The following KIAA0513 variants were observed in gnomAD, a reference collection of about 807,000 sequenced individuals.
The protein encoded by KIAA0513 is uncharacterized protein KIAA0513.
KIAA0513 carries 39 observed loss-of-function variants against 56.5 expected under a neutral mutation model. That is an observed-to-expected ratio of 0.69 (90% CI 0.53 to 0.90). KIAA0513 has a LOEUF of 0.90. KIAA0513 is among the 40% of genes least tolerant of loss of function. The pLI is 0.00. For missense variants in KIAA0513, 591 were observed against 535.2 expected (o/e 1.10, Z -1.03); for synonymous variants, 268 against 215.6 (o/e 1.24, Z -2.13).
intron 2 of KIAA0513, among the ~76,000 whole-genome samples, chr16:85,068,578 T>A (rs2073524909): frequency 6.6e-6 from 1 of 152,032 alleles, no homozygotes; most frequent in East Asian, 1.9e-4. Context: ...ATGATCCGCC[T>A]GCCTTAGCCT....
At chr16:85,063,219 G>C (rs1371928037) in intron 1 of KIAA0513, 1 of 152,228 alleles carries the variant, frequency 6.6e-6, no homozygotes, top group Non-Finnish European at 1.5e-5. Context: ...GCCCAAGAGT[G>C]CCTGAGGCTG....
intron 12 of KIAA0513, 85 bp downstream of exon 12, chr16:85,087,251 C>T: frequency 9.3e-7 from 1 of 1,070,030 alleles, no homozygotes. Flanking sequence ...TTCTGCACTG[C>T]CAGAAGGCAT....
At chr16:85,061,498 G>T (rs2073404471) in intron 1 of KIAA0513, among the ~76,000 whole-genome samples, 1 of 152,214 alleles carries the variant, frequency 6.6e-6, no homozygotes, top group Admixed American at 6.5e-5. Context: ...TGTGTGTTGT[G>T]TGTTGCCTGA....
intron 1 of KIAA0513, among the ~76,000 whole-genome samples, chr16:85,041,314 A>G (rs367843523): frequency 1.3e-5 from 2 of 152,124 alleles, no homozygotes; most frequent in African/African-American, 4.8e-5. Context: ...CTTCCGTTGT[A>G]TGACTGACAG....
chr16:85,059,447 T>C (rs1459005641), intron 1 of KIAA0513, among the ~76,000 whole-genome samples: 1 of 152,194 alleles, frequency 6.6e-6, no homozygotes, highest in Non-Finnish European at 1.5e-5. Flanking sequence ...GGCTGTCTCC[T>C]CTAGTCATAG....
chr16:85,047,708 T>A (rs1172087922), intron 1 of KIAA0513, among the ~76,000 whole-genome samples: 1 of 152,062 alleles, frequency 6.6e-6, no homozygotes, highest in African/African-American at 2.4e-5. Context: ...TGGCCCACTG[T>A]CTCAGAACCA....
chr16:85,050,260 C>T (rs2073231587), intron 1 of KIAA0513, among the ~76,000 whole-genome samples: 1 of 151,978 alleles, frequency 6.6e-6, no homozygotes, highest in Non-Finnish European at 1.5e-5. Flanking sequence ...TGAGTTGGGA[C>T]TTAGGAGAAC....
chr16:85,064,754 C>T (rs916559478), intron 1 of KIAA0513, among the ~76,000 whole-genome samples: 4 of 152,062 alleles, frequency 2.6e-5, no homozygotes, highest in Admixed American at 6.6e-5. Context: ...GGCACCATCT[C>T]GGGTCACTGC....
rs760884478 is a variant in KIAA0513 at position 85,078,919 on chromosome 16, C to T, written c.824-6C>T. The T allele has an allele frequency of 1.7e-5, 28 of 1,614,016 alleles. No homozygotes were observed. In the South Asian group the frequency reaches 2.7e-4, roughly 16 times the overall value. Reference sequence around the variant, plus strand: ...CTGCTTTCAGCCATTCTCTCTCCTCCCACAGTGACCGCGTACAGCCCCGAG... The same window carrying T: ...CTGCTTTCAGCCATTCTCTCTCCTCTCACAGTGACCGCGTACAGCCCCGAG... On this transcript the variant is annotated splice_region_variant and splice_polypyrimidine_tract_variant and intron_variant, in intron 7 of 12. Coordinates refer to ENST00000683363, the MANE Select transcript of KIAA0513 (RefSeq NM_001388359.1).
rs145054027 is a variant in KIAA0513 at position 85,067,156 on chromosome 16, C to G, written c.85C>G (p.Pro29Ala). Reference sequence around the variant, plus strand: ...CTCTTCTCCCCTGGAGGCACCACCCCCTGTGCTGCAGGACGGCGATGGCTC... The same window carrying G: ...CTCTTCTCCCCTGGAGGCACCACCCGCTGTGCTGCAGGACGGCGATGGCTC... ...PTSSPLEAPP[P>A]VLQDGDGSLG... The change falls in exon 2 of 13, where the codon CCT (proline) becomes GCT (alanine). Residue 29 changes from proline (P) to alanine (A), a missense_variant. Coordinates refer to ENST00000683363, the MANE Select transcript of KIAA0513 (RefSeq NM_001388359.1). 4.3e-5 allele frequency: 70 copies of G among 1,614,114 alleles called. No homozygotes were observed. The South Asian group carries it at 7.0e-4, about 16-fold the overall frequency.
chr16:85,082,944 C>A (rs1306551338), intron 10 of KIAA0513, among the ~76,000 whole-genome samples: 2 of 152,272 alleles, frequency 1.3e-5, no homozygotes, highest in Non-Finnish European at 2.9e-5. Flanking sequence ...CAGCCGTGCT[C>A]TCCACCAGCC....
intron 1 of KIAA0513, among the ~76,000 whole-genome samples, chr16:85,062,117 C>T (rs879640834): frequency 6.6e-6 from 1 of 152,066 alleles, no homozygotes; most frequent in African/African-American, 2.4e-5. Context: ...ACCTTCAGAT[C>T]GTCTCTGTAG....
intron 1 of KIAA0513, among the ~76,000 whole-genome samples, chr16:85,030,725 C>G (rs2072952830): frequency 6.9e-6 from 1 of 144,154 alleles, no homozygotes; most frequent in South Asian, 2.2e-4. Flanking sequence ...GCCTGGGTGA[C>G]AGAGAAAGAC....
intron 7 of KIAA0513, 72 bp downstream of exon 7, chr16:85,078,527 G>C: frequency 6.9e-7 from 1 of 1,439,912 alleles, no homozygotes; most frequent in Non-Finnish European, 9.6e-7. Context: ...GCAGGTGCAC[G>C]GCCTCTGGGG....
At chr16:85,063,846 CAG>C (rs1225392142) in intron 1 of KIAA0513, among the ~76,000 whole-genome samples, 1 of 151,924 alleles carries the variant, frequency 6.6e-6, no homozygotes, top group Non-Finnish European at 1.5e-5. Flanking sequence ...GGCCTCTGAA[CAG>C]GGGGTGGCAA....
chr16:85,066,745 G>C (rs1463630264), intron 1 of KIAA0513, 155 bp from the exon 2 acceptor site: 2 of 288,928 alleles, frequency 6.9e-6, no homozygotes, highest in Non-Finnish European at 1.3e-5. Flanking sequence ...CCATGGACCA[G>C]GTGTTGAACA....
At chr16:85,029,028 T>C (rs757416572) in intron 1 of KIAA0513, among the ~76,000 whole-genome samples, 2 of 152,206 alleles carry the variant, frequency 1.3e-5, no homozygotes, top group Non-Finnish European at 2.9e-5. Context: ...TAATATTGCA[T>C]GTGAGCGTTC....
intron 10 of KIAA0513, 109 bp downstream of exon 10, chr16:85,082,702 C>A: frequency 8.4e-7 from 1 of 1,190,488 alleles, no homozygotes; most frequent in Non-Finnish European, 1.2e-6. Context: ...AGGCACAGCC[C>A]AGACGCAGGT....
rs150126223 is a variant in KIAA0513 at position 85,053,852 on chromosome 16, C to T, written c.-172-13048C>T. 5.4e-3 allele frequency among the ~76,000 whole-genome samples: 827 copies of T among 152,204 alleles called. 3 individuals are homozygous for T. The highest frequency in any genetic ancestry group is 0.01 in the Non-Finnish European group (710 of 68,018). ...ACTAAAAATACAAAAATTAGCTGGG[C>T]ATGGTGGCGTGCACCTGTAGTCCCA... On this transcript the variant is annotated intron_variant, in intron 1 of 12. Coordinates refer to ENST00000683363, the MANE Select transcript of KIAA0513 (RefSeq NM_001388359.1).
Sources: allele counts gnomAD v4.1 joint callset (sites outside exome capture counted in the v4.1 genomes callset), GRCh38; gene constraint gnomAD v4.1.1; transcripts MANE v1.5; gene names NCBI Gene and HGNC (gene_info 2026-07-23, HGNC 2026-07-21).